MZT2B: variants seen among roughly 807,000 people sequenced by gnomAD.
The protein encoded by MZT2B is mitotic spindle organizing protein 2B.
MZT2B carries 11 observed loss-of-function variants against 12.1 expected under a neutral mutation model. The ratio of observed to expected loss-of-function variants is 0.91; its 90% confidence interval spans 0.57 to 1.50. The LOEUF (loss-of-function observed/expected upper bound fraction) is 1.50, where lower values mean the gene tolerates loss of function less well. MZT2B is among the 40% of genes most tolerant of loss of function. The pLI, the probability that MZT2B is intolerant of heterozygous loss-of-function variation, is 0.00. For missense variants in MZT2B, 209 were observed against 227.7 expected, an observed-to-expected ratio of 0.92 and a Z score of 0.53; for synonymous variants, 85 against 109.5, an observed-to-expected ratio of 0.78 and a Z score of 1.40.
At chr2:130,185,096 TC>T (rs1690006536) in intron 2 of MZT2B, among the ~76,000 whole-genome samples, 1 of 151,240 alleles carries the variant, frequency 6.6e-6, no homozygotes, top group Admixed American at 6.6e-5. Context: ...GATCTCGAGG[TC>T]AGGAGATTGA....
chr2:130,187,336 C>T (rs1690104820), intron 2 of MZT2B, among the ~76,000 whole-genome samples: 1 of 152,060 alleles, frequency 6.6e-6, no homozygotes, highest in Non-Finnish European at 1.5e-5. Context: ...TACAGGTGCA[C>T]ACTACCACAC....
downstream of MZT2B, chr2:130,193,926 C>G (rs1454291445): frequency 1.2e-6 from 2 of 1,614,112 alleles, no homozygotes; most frequent in Non-Finnish European, 1.7e-6. Flanking sequence ...TGGCGAGGGT[C>G]ACACTTGACC....
At chr2:130,202,413 T>G in the MZT2B span, 1 of 1,290,774 alleles carries the variant, frequency 7.7e-7, no homozygotes, top group Non-Finnish European at 1.0e-6. Flanking sequence ...CCGCATGGTG[T>G]GGCAGGAGAA....
chr2:130,184,948 T>C, intron 2 of MZT2B: 2 of 943,452 alleles, frequency 2.1e-6, no homozygotes, highest in Non-Finnish European at 2.5e-6. Context: ...GTGGATCCCT[T>C]GAGCTCAGGA....
Position 130,182,461 on chromosome 2 carries a change from G to C in MZT2B, c.170+9G>C. 1 of 1,546,676 alleles carries C rather than the reference G, an allele frequency of 6.5e-7. No individual in the cohort carries two copies. The highest frequency in any genetic ancestry group is 8.7e-7 in the Non-Finnish European group (1 of 1,146,440). On this transcript the variant is annotated intron_variant, in intron 1 of 2. Coordinates refer to ENST00000281871, the MANE Select transcript of MZT2B (RefSeq NM_025029.5). ...GACCCCGACGTGTTCAAGTGAGCGG[G>C]GCGGGTGGGGGCCGCATGCTAGCCA...
At chr2:130,194,108 T>C, downstream of MZT2B, 2 of 1,614,120 alleles carry the variant, frequency 1.2e-6, no homozygotes, top group Middle Eastern at 1.7e-4. Context: ...CAGGGCCCCA[T>C]CAAATCGCAG....
chr2:130,194,553 T>A (rs865873434), downstream of MZT2B: 112 of 1,380,184 alleles, frequency 8.1e-5, no homozygotes, highest in Middle Eastern at 2.0e-3. Flanking sequence ...TCTTTGCCTC[T>A]AAAGAGTTGA....
At chr2:130,181,682 G>T (rs925180676), upstream of MZT2B, 1 of 1,548,422 alleles carries the variant, frequency 6.5e-7, no homozygotes, top group Non-Finnish European at 8.7e-7. Flanking sequence ...CAAAAGGCGC[G>T]TGCGCAAAGC....
chr2:130,183,964 C>T (rs1315742836), intron 2 of MZT2B: 1 of 1,550,542 alleles, frequency 6.4e-7, no homozygotes, highest in South Asian at 1.2e-5. Flanking sequence ...TCTCCTTTTG[C>T]AGGTTGCGTT....
chr2:130,198,609 G>A, the MZT2B span: 20 of 459,842 alleles, frequency 4.3e-5, 3 homozygotes, highest in South Asian at 6.4e-5. Flanking sequence ...GGAAGGCAGC[G>A]GGGTCATCAA....
the MZT2B span, among the ~76,000 whole-genome samples, chr2:130,201,487 G>A: frequency 1.3e-5 from 2 of 152,038 alleles, no homozygotes; most frequent in Admixed American, 1.3e-4. Context: ...TTGGATCAGG[G>A]CCCACCCTTA....
chr2:130,194,126 G>A (rs148691540), downstream of MZT2B: 40 of 1,614,014 alleles, frequency 2.5e-5, no homozygotes, highest in Middle Eastern at 1.7e-4. Flanking sequence ...CAGGGAGGCC[G>A]TGATGGAGGA....
At chr2:130,192,875 C>T (rs1473657809), downstream of MZT2B, among the ~76,000 whole-genome samples, 8 of 152,148 alleles carry the variant, frequency 5.3e-5, no homozygotes, top group South Asian at 1.2e-3. Context: ...GGGCAGATCA[C>T]GTGAGGCCAG....
chr2:130,192,234 C>T, downstream of MZT2B: 1 of 1,427,756 alleles, frequency 7.0e-7, no homozygotes, highest in Non-Finnish European at 9.4e-7. Context: ...ACGGAGAATG[C>T]TCAGTTCACC....
downstream of MZT2B, chr2:130,191,863 C>T: frequency 6.2e-7 from 1 of 1,612,358 alleles, no homozygotes; most frequent in Non-Finnish European, 8.5e-7. Flanking sequence ...GCCTCAGCTT[C>T]CACGGAATCC....
chr2:130,204,711 GTGGGGA>G, the MZT2B span, among the ~76,000 whole-genome samples: 1 of 53,044 alleles, frequency 1.9e-5, no homozygotes, highest in African/African-American at 6.4e-5. Context: ...AAAAGGGGGG[GTGGGGA>G]GGAAGCTATT....
the MZT2B span, among the ~76,000 whole-genome samples, chr2:130,200,218 C>T: frequency 3.9e-5 from 6 of 152,036 alleles, no homozygotes; most frequent in Admixed American, 1.3e-4. Flanking sequence ...GGTGAAACCC[C>T]GTCTCTACTA....
chr2:130,204,689 C>T, the MZT2B span, among the ~76,000 whole-genome samples: 1 of 92,454 alleles, frequency 1.1e-5, no homozygotes, highest in East Asian at 3.4e-4. Flanking sequence ...AAAACTCTGT[C>T]TCAAAAAAAA....
At chr2:130,196,457 T>C in the MZT2B span, 1 of 1,525,266 alleles carries the variant, frequency 6.6e-7, no homozygotes, top group Non-Finnish European at 8.8e-7. Flanking sequence ...ATTTAATATT[T>C]ATATAGTGCT....
Sources: gnomAD v4.1 joint callset for allele counts (sites outside exome capture counted in the v4.1 genomes callset) on GRCh38, gnomAD v4.1.1 for gene constraint, MANE v1.5 for transcripts, NCBI Gene and HGNC (gene_info 2026-07-23, HGNC 2026-07-21) for gene names.